The following RSRC1 variants were observed in gnomAD, a reference collection of about 807,000 sequenced individuals.
The protein encoded by RSRC1 is serine/Arginine-related protein 53.
Under a neutral mutation model 49.1 loss-of-function variants are expected in RSRC1, and 39 were observed. The ratio of observed to expected loss-of-function variants is 0.79; its 90% CI spans 0.61 to 1.04. The LOEUF (loss-of-function observed/expected upper bound fraction) is 1.04. Among genes scored for constraint, RSRC1 ranks in the 50% least tolerant of loss-of-function variants. The pLI is 0.00. For synonymous variants in RSRC1, 143 were observed against 130.8 expected (o/e 1.09, Z -0.63); for missense variants, 388 against 402.4 (o/e 0.96, Z 0.31).
intron 4 of RSRC1, among the ~76,000 whole-genome samples, chr3:158,259,779 A>T (rs149027049): frequency 6.6e-6 from 1 of 152,210 alleles, no homozygotes; most frequent in East Asian, 1.9e-4. Context: ...CTGAGCTATC[A>T]CCTAAGCTGC....
At chr3:158,404,361 A>G (rs1199372323) in intron 6 of RSRC1, among the ~76,000 whole-genome samples, 2 of 151,924 alleles carry the variant, frequency 1.3e-5, no homozygotes, top group African/African-American at 2.4e-5. Flanking sequence ...GTTGGCACCA[A>G]TAGGTACAAG....
chr3:158,521,878 A>G (rs920191753), intron 7 of RSRC1, among the ~76,000 whole-genome samples: 2 of 152,088 alleles, frequency 1.3e-5, no homozygotes, highest in African/African-American at 4.8e-5. Context: ...TGTTTATGCT[A>G]TGCTTCCTAT....
chr3:158,263,783 G>C (rs1724652), intron 4 of RSRC1, among the ~76,000 whole-genome samples: 68,287 of 151,868 alleles, frequency 0.45, 15,688 homozygotes, highest in East Asian at 0.65. Context: ...GTCTTTCCAG[G>C]AGTTGGTTCA....
intron 3 of RSRC1, among the ~76,000 whole-genome samples, chr3:158,180,976 T>C (rs1163449153): frequency 1.3e-5 from 2 of 151,726 alleles, no homozygotes; most frequent in African/African-American, 2.4e-5. Flanking sequence ...GGCTAATTTT[T>C]TGTATTTTTA....
intron 6 of RSRC1, among the ~76,000 whole-genome samples, chr3:158,395,419 T>G (rs1038262292): frequency 3.5e-4 from 53 of 152,128 alleles, no homozygotes; most frequent in Admixed American, 7.2e-4. Context: ...AGAAAATATT[T>G]GCAAACTACG....
intron 7 of RSRC1, among the ~76,000 whole-genome samples, chr3:158,497,295 C>T (rs1052580708): frequency 2.1e-5 from 3 of 140,472 alleles, no homozygotes; most frequent in Admixed American, 1.6e-4. Context: ...GGTGGTATTT[C>T]GTTACATGAG....
intron 4 of RSRC1, among the ~76,000 whole-genome samples, chr3:158,220,650 TC>T (rs1722179281): frequency 6.6e-6 from 1 of 151,644 alleles, no homozygotes; most frequent in African/African-American, 2.4e-5. Context: ...TACTTTTTCT[TC>T]CTTCCTTTCT....
At chr3:158,274,564 G>A (rs1725701307) in intron 4 of RSRC1, among the ~76,000 whole-genome samples, 1 of 152,078 alleles carries the variant, frequency 6.6e-6, no homozygotes, top group South Asian at 2.1e-4. Context: ...AGAGAAGATA[G>A]GAGAAAATCG....
At chr3:158,246,184 G>A (rs1279461939) in intron 4 of RSRC1, among the ~76,000 whole-genome samples, 1 of 151,404 alleles carries the variant, frequency 6.6e-6, no homozygotes, top group Non-Finnish European at 1.5e-5. Context: ...ACTCATAGGT[G>A]GGAATTGAAC....
chr3:158,120,739 C>G (rs185617959), intron 1 of RSRC1, among the ~76,000 whole-genome samples: 1 of 148,110 alleles, frequency 6.8e-6, no homozygotes, highest in East Asian at 2.0e-4. Context: ...ACTGCAATTA[C>G]TTTTGCACCA....
intron 1 of RSRC1, among the ~76,000 whole-genome samples, chr3:158,113,800 CT>C (rs1406076821): frequency 6.6e-6 from 1 of 152,060 alleles, no homozygotes; most frequent in Non-Finnish European, 1.5e-5. Flanking sequence ...TAAATGACTT[CT>C]TTTGAGAAGT....
intron 4 of RSRC1, among the ~76,000 whole-genome samples, chr3:158,297,214 G>A (rs1386725044): frequency 1.3e-5 from 2 of 151,944 alleles, no homozygotes; most frequent in Non-Finnish European, 2.9e-5. Context: ...AATGAGAAAA[G>A]CCAAAGTTCA....
At chr3:158,203,034 A>T (rs778266107) in intron 3 of RSRC1, 38 bp from the exon 4 acceptor site, 1 of 1,507,918 alleles carries the variant, frequency 6.6e-7, no homozygotes, top group Non-Finnish European at 9.1e-7. Context: ...GATACAAATT[A>T]TACACTAAGT....
chr3:158,455,761 C>A (rs1349405350), intron 6 of RSRC1, among the ~76,000 whole-genome samples: 1 of 151,916 alleles, frequency 6.6e-6, no homozygotes, highest in Non-Finnish European at 1.5e-5. Flanking sequence ...AAGCGGATCA[C>A]CTGAGGTCAG....
At chr3:158,222,739 C>T (rs192878851) in intron 4 of RSRC1, among the ~76,000 whole-genome samples, 29 of 151,626 alleles carry the variant, frequency 1.9e-4, no homozygotes, top group African/African-American at 6.8e-4. Context: ...CCCAAATTAG[C>T]ATCATTCTTT....
chr3:158,460,998 A>T lies in RSRC1; in HGVS notation c.647A>T (p.Glu216Val). ...GAGGAAGAAGCAAAGAGAAGAAAGGAGGAAGGTAAAGGCATGTGTTCATTT... is the reference window on the plus strand; with the variant it reads ...GAGGAAGAAGCAAAGAGAAGAAAGGTGGAAGGTAAAGGCATGTGTTCATTT... ...RNEEEAKRRK[E>V]EDQATLVEQV... Residue 216 changes from glutamate to valine, a missense_variant, in exon 7 of 10, where the codon GAG (glutamate) becomes GTG (valine). Coordinates refer to ENST00000611884, the MANE Select transcript of RSRC1 (RefSeq NM_001271838.2). The T allele has an allele frequency of 6.3e-7, 1 of 1,598,122 alleles. No homozygotes were observed. The highest frequency in any genetic ancestry group is 1.1e-5 in the South Asian group (1 of 89,248).
At chr3:158,131,339 G>A (rs569781667) in intron 3 of RSRC1, among the ~76,000 whole-genome samples, 1 of 151,398 alleles carries the variant, frequency 6.6e-6, no homozygotes, top group Non-Finnish European at 1.5e-5. Flanking sequence ...GGATGATTAT[G>A]GTTTATTTTT....
At chr3:158,131,616 G>C (rs1273336260) in intron 3 of RSRC1, among the ~76,000 whole-genome samples, 1 of 152,006 alleles carries the variant, frequency 6.6e-6, no homozygotes, top group African/African-American at 2.4e-5. Flanking sequence ...TTCACTCTCC[G>C]GGTTCTTTTG....
chr3:158,377,560 C>G (rs1732442698), intron 6 of RSRC1, among the ~76,000 whole-genome samples: 1 of 152,140 alleles, frequency 6.6e-6, no homozygotes, highest in Admixed American at 6.5e-5. Context: ...TTTCCTGAGG[C>G]CTTATTAGGG....
Sources: allele counts gnomAD v4.1 joint callset (sites outside exome capture counted in the v4.1 genomes callset), GRCh38; gene constraint gnomAD v4.1.1; transcripts MANE v1.5; gene names NCBI Gene and HGNC (gene_info 2026-07-23, HGNC 2026-07-21).